MACROD2: variants seen among roughly 807,000 people sequenced by gnomAD.
MACROD2 encodes mono-ADP ribosylhydrolase 2, also known as ADP-ribose glycohydrolase MACROD2.
In MACROD2, 36 loss-of-function variants were observed where a neutral mutation model predicts 70.4. The observed-to-expected ratio is 0.51, with a 90% CI of 0.39 to 0.68. MACROD2 has a LOEUF of 0.68. Ranked by LOEUF, MACROD2 falls within the 30% of genes least tolerant of loss-of-function variation. The pLI is 0.00. For synonymous variants in MACROD2, 172 were observed against 178.8 expected (o/e 0.96, Z 0.30); for missense variants, 496 against 538.4 (o/e 0.92, Z 0.78).
At chr20:14,346,708 G>A (rs1055066236) in intron 3 of MACROD2, among the ~76,000 whole-genome samples, 9 of 152,178 alleles carry the variant, frequency 5.9e-5, no homozygotes, top group Non-Finnish European at 1.2e-4. Context: ...CTTTGAGAGT[G>A]TTTAGTAGAA....
At chr20:14,971,235 A>G (rs2074688179) in intron 5 of MACROD2, among the ~76,000 whole-genome samples, 1 of 152,174 alleles carries the variant, frequency 6.6e-6, no homozygotes, top group Non-Finnish European at 1.5e-5. Flanking sequence ...AGACAGAACC[A>G]TGCATGTTTT....
At chr20:15,947,714 G>A (rs886207591) in intron 12 of MACROD2, among the ~76,000 whole-genome samples, 14 of 152,138 alleles carry the variant, frequency 9.2e-5, no homozygotes, top group African/African-American at 2.7e-4. Context: ...TAATCAAAAG[G>A]AATAAAATGG....
rs2084989657 is a variant in MACROD2 at position 14,508,129 on chromosome 20, G to A, written c.301+14621G>A. Among the ~76,000 whole-genome samples the A allele has an allele frequency of 2.0e-5, 3 of 152,252 alleles. No individual in the cohort carries two copies. In the South Asian group the frequency reaches 6.2e-4, roughly 32 times the overall value. On this transcript the variant is annotated intron_variant, in intron 4 of 17. Coordinates refer to ENST00000684519, the MANE Select transcript of MACROD2 (RefSeq NM_001351661.2). ...CAGGGCTGGATTCATCTTCAGAAAA[G>A]ACTCAAGAAACAAGAGTTTCACCTC...
intron 5 of MACROD2, among the ~76,000 whole-genome samples, chr20:14,956,367 A>G (rs1421518810): frequency 6.6e-6 from 1 of 152,198 alleles, no homozygotes; most frequent in East Asian, 1.9e-4. Context: ...TGGGATAGTA[A>G]AAATGGCTTC....
At chr20:15,229,321 A>G (rs2076939428) in intron 5 of MACROD2, among the ~76,000 whole-genome samples, 1 of 152,248 alleles carries the variant, frequency 6.6e-6, no homozygotes, top group African/African-American at 2.4e-5. Context: ...ATAATTAACT[A>G]TTAACCTATT....
chr20:14,884,681 A>T (rs1210763742), intron 5 of MACROD2: 1 of 152,168 alleles, frequency 6.6e-6, no homozygotes, highest in Admixed American at 6.6e-5. Flanking sequence ...AACCTGAAAC[A>T]TGAGTTCAGG....
intron 5 of MACROD2, among the ~76,000 whole-genome samples, chr20:15,017,637 C>G (rs1451876875): frequency 1.3e-5 from 2 of 152,342 alleles, no homozygotes; most frequent in Non-Finnish European, 2.9e-5. Flanking sequence ...GGGCACCACC[C>G]CTGCAGCAAA....
intron 3 of MACROD2, among the ~76,000 whole-genome samples, chr20:14,395,375 G>T (rs1236597059): frequency 2.0e-5 from 3 of 151,876 alleles, no homozygotes; most frequent in Non-Finnish European, 4.4e-5. Context: ...TCAAATTTAG[G>T]GGAACAGAGC....
chr20:14,339,139 G>A (rs1223876168), intron 3 of MACROD2, among the ~76,000 whole-genome samples: 2 of 152,130 alleles, frequency 1.3e-5, no homozygotes, highest in Admixed American at 1.3e-4. Context: ...ATATTTGTTT[G>A]ATAACAGTTT....
chr20:15,273,378 G>A (rs571101351), intron 6 of MACROD2, among the ~76,000 whole-genome samples: 7 of 151,696 alleles, frequency 4.6e-5, no homozygotes, highest in African/African-American at 1.5e-4. Context: ...CCTACTGTGG[G>A]ACCTTGTGAG....
intron 8 of MACROD2, among the ~76,000 whole-genome samples, chr20:15,711,719 T>C (rs183062842): frequency 2.3e-4 from 35 of 152,344 alleles, no homozygotes; most frequent in African/African-American, 8.4e-4. Flanking sequence ...GCATACACTT[T>C]CAATCCACTT....
chr20:15,524,050 G>T (rs2047687330), intron 8 of MACROD2, among the ~76,000 whole-genome samples: 1 of 152,144 alleles, frequency 6.6e-6, no homozygotes, highest in African/African-American at 2.4e-5. Flanking sequence ...TCATCCTGAT[G>T]CAGTAACTTG....
intron 8 of MACROD2, among the ~76,000 whole-genome samples, chr20:15,601,478 T>C (rs148276116): frequency 4.0e-5 from 6 of 151,624 alleles, no homozygotes; most frequent in African/African-American, 1.5e-4. Flanking sequence ...AAAGAAAAAA[T>C]CATACTTTGT....
chr20:14,465,998 G>C (rs986130784), intron 3 of MACROD2, among the ~76,000 whole-genome samples: 22 of 152,010 alleles, frequency 1.4e-4, no homozygotes, highest in Middle Eastern at 3.2e-3. Flanking sequence ...TGGTGAATCT[G>C]ACAATTATGT....
At chr20:15,437,132 C>T (rs2046437689) in intron 7 of MACROD2, among the ~76,000 whole-genome samples, 2 of 152,046 alleles carry the variant, frequency 1.3e-5, no homozygotes, top group African/African-American at 2.4e-5. Context: ...TTATATATGC[C>T]TTTTCCTTTG....
intron 8 of MACROD2, among the ~76,000 whole-genome samples, chr20:15,675,133 T>A (rs1181286675): frequency 6.6e-6 from 1 of 152,172 alleles, no homozygotes; most frequent in Non-Finnish European, 1.5e-5. Flanking sequence ...ACATATTTAT[T>A]TTTACATCCA....
At chr20:14,049,466 C>T (rs1044885792) in intron 2 of MACROD2, among the ~76,000 whole-genome samples, 6 of 151,424 alleles carry the variant, frequency 4.0e-5, no homozygotes, top group African/African-American at 1.5e-4. Flanking sequence ...CTAGGCTGGG[C>T]GAGGTGGCTC....
intron 3 of MACROD2, among the ~76,000 whole-genome samples, chr20:14,197,599 C>G (rs909058831): frequency 9.2e-5 from 14 of 151,984 alleles, no homozygotes; most frequent in African/African-American, 3.4e-4. Context: ...GAAACCCTGT[C>G]TCTACTAAAA....
At chr20:15,097,058 C>T (rs143682328) in intron 5 of MACROD2, among the ~76,000 whole-genome samples, 5,162 of 148,884 alleles carry the variant, frequency 0.035, 138 homozygotes, top group South Asian at 0.12. Flanking sequence ...GTGATCTGCC[C>T]GCCTCGGCCT....
Sources: allele counts gnomAD v4.1 joint callset (sites outside exome capture counted in the v4.1 genomes callset), GRCh38; gene constraint gnomAD v4.1.1; transcripts MANE v1.5; gene names NCBI Gene and HGNC (gene_info 2026-07-23, HGNC 2026-07-21).